The following RBPJ variants were observed in gnomAD, a reference collection of about 807,000 sequenced individuals.
The protein encoded by RBPJ is recombining binding protein suppressor of hairless.
Under a neutral mutation model 67.8 loss-of-function variants are expected in RBPJ, and 9 were observed. The ratio of observed to expected loss-of-function variants is 0.13; its 90% CI spans 0.08 to 0.23. The LOEUF (loss-of-function observed/expected upper bound fraction) is 0.23, where lower values mean the gene tolerates loss of function less well. RBPJ is among the 10% of genes least tolerant of loss of function. The pLI is 1.00. For synonymous variants in RBPJ, 198 were observed against 203.3 expected, an observed-to-expected ratio of 0.97 and a Z score of 0.22; for missense variants, 305 against 595.6, an observed-to-expected ratio of 0.51 and a Z score of 5.08.
At chr4:26,373,829 T>C (rs759898426) in intron 1 of RBPJ, among the ~76,000 whole-genome samples, 1 of 152,180 alleles carries the variant, frequency 6.6e-6, no homozygotes, top group South Asian at 2.1e-4. Context: ...AGTGTCTTTA[T>C]GTGTGTATGT....
the RBPJ span, among the ~76,000 whole-genome samples, chr4:26,154,683 G>C: frequency 1.3e-5 from 2 of 152,128 alleles, no homozygotes; most frequent in Non-Finnish European, 2.9e-5. Flanking sequence ...TTGTTCTTTT[G>C]GCTCAAGGGT....
chr4:26,358,078 C>G (rs932729838), intron 1 of RBPJ, among the ~76,000 whole-genome samples: 1 of 147,826 alleles, frequency 6.8e-6, no homozygotes, highest in African/African-American at 2.5e-5. Flanking sequence ...AGTGAATTGC[C>G]TAGTTAATAA....
chr4:26,335,196 T>A (rs926829667), intron 1 of RBPJ, among the ~76,000 whole-genome samples: 14 of 152,194 alleles, frequency 9.2e-5, no homozygotes, highest in African/African-American at 3.1e-4. Context: ...TTATTATTGT[T>A]TTCGAGATGA....
intron 1 of RBPJ, among the ~76,000 whole-genome samples, chr4:26,288,837 G>A (rs1279291124): frequency 6.6e-6 from 1 of 151,826 alleles, no homozygotes; most frequent in Admixed American, 6.6e-5. Context: ...TGAGGAAATG[G>A]AAGCGAGGTC....
rs552574588 is a variant in RBPJ, at chr4:26,201,612, C to A, written c.-167+37998C>A. Among the ~76,000 whole-genome samples, 13 of 152,322 alleles carry A rather than the reference C, an allele frequency of 8.5e-5. No homozygotes were observed. In the South Asian group the frequency reaches 2.5e-3, roughly 29 times the overall value. ...TTTCACCCTCAACACACATGACCTG[C>A]AATTCACAATCCCTGGAAGCAAAAG... On this transcript the variant is annotated intron_variant, in intron 1 of 4. Coordinates refer to the RBPJ transcript ENST00000512351.
the RBPJ span, among the ~76,000 whole-genome samples, chr4:26,118,301 A>T: frequency 6.6e-6 from 1 of 152,200 alleles, no homozygotes; most frequent in African/African-American, 2.4e-5. Context: ...CCAGGTGTTT[A>T]TTTGTGTGAA....
chr4:26,267,609 T>G (rs1026118398), intron 1 of RBPJ, among the ~76,000 whole-genome samples: 10 of 151,692 alleles, frequency 6.6e-5, no homozygotes, highest in African/African-American at 2.4e-4. Flanking sequence ...ATTTTTAAAT[T>G]TATTTATTTA....
Position 26,257,851 on chromosome 4 carries a change from G to T in RBPJ, c.-167+94237G>T, listed in dbSNP as rs532460334. ...CAAAAAGAAGAGAAAATGGTCCTGGGGCCATCTGTAACCCAAATAACCTGG... is the reference window on the plus strand; with the variant it reads ...CAAAAAGAAGAGAAAATGGTCCTGGTGCCATCTGTAACCCAAATAACCTGG... On this transcript the variant is annotated intron_variant, in intron 1 of 4. Coordinates refer to the RBPJ transcript ENST00000512351. 2.6e-5 allele frequency among the ~76,000 whole-genome samples: 4 copies of T among 152,268 alleles called. No homozygotes were observed. In the South Asian group the frequency reaches 8.3e-4, roughly 32 times the overall value.
chr4:26,249,472 CA>C (rs1177168412), intron 1 of RBPJ, among the ~76,000 whole-genome samples: 2 of 151,992 alleles, frequency 1.3e-5, no homozygotes, highest in Non-Finnish European at 2.9e-5. Context: ...CCAGCCTGGC[CA>C]ACATGGTGAA....
At position 26,434,688 on chromosome 4, in the gene RBPJ, T is replaced by C. The variant is rs1736516516; in HGVS notation, c.*3681T>C. The C allele has an allele frequency of 6.6e-6, 1 of 152,238 alleles. No individual in the cohort carries two copies. The highest frequency in any genetic ancestry group is 1.5e-5 in the Non-Finnish European group (1 of 68,034). 9.4% of individuals were successfully genotyped at this position (152,238 alleles called of 1,614,324 possible). A position where few individuals can be genotyped will look rare whatever the true frequency, so the allele number is the denominator to read the frequency against. On this transcript the variant is annotated 3_prime_UTR_variant, in exon 11 of 11. Coordinates refer to ENST00000355476, the MANE Select transcript of RBPJ (RefSeq NM_015874.6). ...CCAGATGTAGGTTTATATGCTCATT[T>C]TTAGCTTATTTCTTGTACCTTGCAG...
At chr4:26,198,050 G>A (rs1717840437) in intron 1 of RBPJ, among the ~76,000 whole-genome samples, 1 of 152,056 alleles carries the variant, frequency 6.6e-6, no homozygotes. Context: ...CTGAGGTCAG[G>A]AGTTCGAGAC....
At chr4:26,289,980 G>C (rs1369493235) in intron 1 of RBPJ, among the ~76,000 whole-genome samples, 2 of 150,306 alleles carry the variant, frequency 1.3e-5, no homozygotes, top group East Asian at 4.0e-4. Context: ...AATTAATTAA[G>C]GACTTTGCTA....
At position 26,424,208 on chromosome 4, in the gene RBPJ, A is replaced by T. The variant is rs2109818318; in HGVS notation, c.497-134A>T. ...TTTGATATCATCTGTACTGTCTTGG[A>T]AAGTGAAAATATTTGTCAAACTGTT... On this transcript the variant is annotated intron_variant, in intron 5 of 10. Coordinates refer to ENST00000355476, the MANE Select transcript of RBPJ (RefSeq NM_015874.6). The surrounding 1 kb of genome is among the most constrained non-coding windows in gnomAD (Gnocchi z 5.3). The T allele has an allele frequency of 1.2e-6, 1 of 812,496 alleles. No individual in the cohort carries two copies. Among genetic ancestry groups the T allele is most frequent in the East Asian group, 2.6e-5 (1 of 38,480 alleles). The allele number at this position is 812,496 out of a possible 1,614,324, so 50.3% of individuals were successfully genotyped here.
intron 1 of RBPJ, among the ~76,000 whole-genome samples, chr4:26,260,096 G>A (rs971675728): frequency 5.3e-5 from 8 of 152,178 alleles, no homozygotes; most frequent in Non-Finnish European, 1.2e-4. Flanking sequence ...TAATTTTGGA[G>A]CAAAACAGAT....
chr4:26,281,593 C>T (rs913447029), intron 1 of RBPJ, among the ~76,000 whole-genome samples: 16 of 152,120 alleles, frequency 1.1e-4, no homozygotes, highest in African/African-American at 3.9e-4. Flanking sequence ...TAAGATACGA[C>T]CTTTAAAATT....
chr4:26,217,391 C>T (rs776011966), intron 1 of RBPJ, among the ~76,000 whole-genome samples: 7 of 152,046 alleles, frequency 4.6e-5, no homozygotes, highest in Non-Finnish European at 8.8e-5. Flanking sequence ...AGAGCAGCAC[C>T]AGTGTCATGT....
At chr4:26,371,276 G>A (rs569112550) in intron 1 of RBPJ, among the ~76,000 whole-genome samples, 33 of 152,162 alleles carry the variant, frequency 2.2e-4, no homozygotes, top group Non-Finnish European at 4.6e-4. Context: ...TGTTTTGGTT[G>A]CATGTGTTTT....
intron 1 of RBPJ, among the ~76,000 whole-genome samples, chr4:26,283,504 A>G (rs1435433922): frequency 6.6e-6 from 1 of 151,602 alleles, no homozygotes; most frequent in East Asian, 2.0e-4. Flanking sequence ...GAGATGGCGC[A>G]CCTGCACTCC....
At chr4:26,412,790 C>A (rs1308725852) in intron 3 of RBPJ, 1 of 152,106 alleles carries the variant, frequency 6.6e-6, no homozygotes, top group African/African-American at 2.4e-5. Flanking sequence ...GAGAGTGTGC[C>A]AACCTAGGTA....
Sources: allele counts gnomAD v4.1 joint callset (sites outside exome capture counted in the v4.1 genomes callset), GRCh38; gene constraint gnomAD v4.1.1; non-coding constraint Gnocchi (gnomAD v3.1); transcripts MANE v1.5; gene names NCBI Gene and HGNC (gene_info 2026-07-23, HGNC 2026-07-21).